ST7: variants seen among roughly 807,000 people sequenced by gnomAD.
The protein encoded by ST7 is suppression of tumorigenicity 7.
In ST7, 28 loss-of-function variants were observed where a neutral mutation model predicts 78.7. The ratio of observed to expected loss-of-function variants is 0.36; its 90% confidence interval spans 0.26 to 0.49. The LOEUF (loss-of-function observed/expected upper bound fraction) is 0.49. ST7 is among the 20% of genes least tolerant of loss of function. The pLI is 0.99. For missense variants in ST7, 418 were observed against 696.0 expected (o/e 0.60, Z 4.49); for synonymous variants, 247 against 249.6 (o/e 0.99, Z 0.10).
intron 1 of ST7, among the ~76,000 whole-genome samples, chr7:117,002,813 C>CTTTTTTTTTTTTTTTTTTTT (rs397970060): frequency 1.4e-5 from 1 of 72,148 alleles, no homozygotes; most frequent in African/African-American, 5.9e-5. Context: ...ATTTTTTTTC[C>CTTTTTTTTTTTTTTTTTTTT]TTTTTTTTTT....
intron 2 of ST7, among the ~76,000 whole-genome samples, chr7:117,118,831 A>G (rs1249882879): frequency 6.6e-6 from 1 of 152,228 alleles, no homozygotes; most frequent in Non-Finnish European, 1.5e-5. Flanking sequence ...CAGTCTAATC[A>G]TGTAAGCATC....
At chr7:117,150,291 C>T (rs1439275532) in intron 9 of ST7, among the ~76,000 whole-genome samples, 1 of 152,112 alleles carries the variant, frequency 6.6e-6, no homozygotes, top group Non-Finnish European at 1.5e-5. Flanking sequence ...TGAATCTCTC[C>T]CTGAAAGTAT....
chr7:117,069,000 C>T (rs1002670835), intron 1 of ST7, among the ~76,000 whole-genome samples: 3 of 152,212 alleles, frequency 2.0e-5, no homozygotes, highest in Non-Finnish European at 4.4e-5. Flanking sequence ...GAACCAAAGC[C>T]GACCTTGCAC....
chr7:116,974,422 G>A (rs886693434), intron 1 of ST7, among the ~76,000 whole-genome samples: 1 of 151,790 alleles, frequency 6.6e-6, no homozygotes. Flanking sequence ...CTCCCAAGTA[G>A]CTGGGACTAC....
At chr7:117,014,486 C>T (rs1264815640) in intron 1 of ST7, among the ~76,000 whole-genome samples, 3 of 152,174 alleles carry the variant, frequency 2.0e-5, no homozygotes, top group African/African-American at 7.2e-5. Context: ...TTTGTTTTCA[C>T]ATTAGTCAAA....
chr7:117,129,281 C>A (rs910107122), intron 3 of ST7, among the ~76,000 whole-genome samples: 1 of 151,722 alleles, frequency 6.6e-6, no homozygotes, highest in African/African-American at 2.4e-5. Context: ...TTTCTTATTC[C>A]TTTCCTGTAA....
chr7:117,222,974 A>G, intron 15 of ST7: 2 of 1,608,098 alleles, frequency 1.2e-6, no homozygotes, highest in Non-Finnish European at 1.7e-6. Flanking sequence ...AACATTTCCA[A>G]AACTGAACTC....
intron 1 of ST7, among the ~76,000 whole-genome samples, chr7:116,997,358 G>T (rs1404849245): frequency 6.6e-6 from 1 of 152,146 alleles, no homozygotes. Flanking sequence ...CCATTTTACA[G>T]AGAGCTGATT....
At chr7:117,164,973 G>A (rs1010299254) in intron 9 of ST7, among the ~76,000 whole-genome samples, 1 of 152,142 alleles carries the variant, frequency 6.6e-6, no homozygotes, top group African/African-American at 2.4e-5. Flanking sequence ...ATTTGATCTG[G>A]GCTTTGGAGG....
chr7:117,093,856 A>C lies in ST7; in HGVS notation c.152-5906A>C, dbSNP rs6979427. 2.0e-3 allele frequency among the ~76,000 whole-genome samples: 300 copies of C among 152,358 alleles called. 2 individuals are homozygous for C. Among genetic ancestry groups the C allele is most frequent in the African/African-American group, 7.0e-3 (291 of 41,582 alleles). ...AGATAGGTATTACTTTTAAAATTTT[A>C]TAGACAATGAAACAATCTCAAATGT... On this transcript the variant is annotated intron_variant, in intron 1 of 15. Coordinates refer to ENST00000323984, the MANE Select transcript of ST7 (RefSeq NM_001369598.1).
At chr7:117,091,798 G>A (rs1310329992) in intron 1 of ST7, among the ~76,000 whole-genome samples, 1 of 152,180 alleles carries the variant, frequency 6.6e-6, no homozygotes, top group Non-Finnish European at 1.5e-5. Context: ...TGTGTCAGGA[G>A]TCCAGGCATG....
intron 12 of ST7, among the ~76,000 whole-genome samples, chr7:117,205,973 C>A (rs1340561872): frequency 6.6e-6 from 1 of 152,176 alleles, no homozygotes; most frequent in Non-Finnish European, 1.5e-5. Flanking sequence ...CTGCCCTGTT[C>A]CATTTATTTT....
At chr7:117,180,379 G>A (rs998932301) in intron 10 of ST7, among the ~76,000 whole-genome samples, 3 of 152,152 alleles carry the variant, frequency 2.0e-5, no homozygotes, top group Middle Eastern at 3.2e-3. Flanking sequence ...GACATGATGC[G>A]AATGCCTGTA....
At chr7:116,955,397 TTGGTGGA>T (rs1402631341) in intron 1 of ST7, among the ~76,000 whole-genome samples, 2 of 152,142 alleles carry the variant, frequency 1.3e-5, no homozygotes, top group African/African-American at 4.8e-5. Context: ...CTGTCATCCC[TTGGTGGA>T]AGGTGGAAGG....
chr7:117,029,580 G>A (rs1296448538), intron 1 of ST7, among the ~76,000 whole-genome samples: 3 of 151,922 alleles, frequency 2.0e-5, no homozygotes, highest in South Asian at 4.1e-4. Flanking sequence ...TAATTTTGAT[G>A]AAGTCCAGTT....
intron 1 of ST7, among the ~76,000 whole-genome samples, chr7:117,034,418 A>C (rs1361795320): frequency 1.3e-5 from 2 of 152,196 alleles, no homozygotes; most frequent in East Asian, 3.8e-4. Context: ...GGAGGGGTTA[A>C]AAGTTATTTA....
rs867570325 is a variant in ST7, at chr7:117,038,283, G to A, written c.152-61479G>A. Among the ~76,000 whole-genome samples, 5 of 152,130 alleles carry A rather than the reference G, an allele frequency of 3.3e-5. 1 individual carries two copies. The South Asian group carries it at 6.2e-4, about 19-fold the overall frequency. On this transcript the variant is annotated intron_variant, in intron 1 of 15. Coordinates refer to ENST00000323984, the MANE Select transcript of ST7 (RefSeq NM_001369598.1). ...GTTAATACTACTTTTTCTCTGTTGGGTATTGATTAACACCTAGTGATGCTG... is the reference window on the plus strand; with the variant it reads ...GTTAATACTACTTTTTCTCTGTTGGATATTGATTAACACCTAGTGATGCTG...
chr7:117,216,961 A>C (rs778102305), intron 13 of ST7, among the ~76,000 whole-genome samples: 1 of 152,086 alleles, frequency 6.6e-6, no homozygotes, highest in African/African-American at 2.4e-5. Context: ...GACCAGAACC[A>C]ATTAGAAAAA....
At chr7:117,134,948 CCT>C (rs1804661288) in intron 7 of ST7, among the ~76,000 whole-genome samples, 1 of 152,050 alleles carries the variant, frequency 6.6e-6, no homozygotes. Flanking sequence ...TAGCCCCAGC[CCT>C]TACATTAGCT....
Sources: gnomAD v4.1 joint callset for allele counts (sites outside exome capture counted in the v4.1 genomes callset) on GRCh38, gnomAD v4.1.1 for gene constraint, MANE v1.5 for transcripts, NCBI Gene and HGNC (gene_info 2026-07-23, HGNC 2026-07-21) for gene names.